Variants in ELF1 observed in about 807,000 individuals in gnomAD.
The protein encoded by ELF1 is ETS-related transcription factor Elf-1.
ELF1 carries 24 observed loss-of-function variants against 59.9 expected under a neutral mutation model. The observed-to-expected ratio is 0.40, with a 90% CI of 0.29 to 0.56. ELF1 has a LOEUF of 0.56. ELF1 is among the 20% of genes least tolerant of loss of function. The probability of loss-of-function intolerance (pLI) is 0.44; values close to 1 mark genes in which losing one functional copy is unlikely to be tolerated. For synonymous variants in ELF1, 248 were observed against 266.2 expected, an observed-to-expected ratio of 0.93 and a Z score of 0.67; for missense variants, 627 against 742.2, an observed-to-expected ratio of 0.84 and a Z score of 1.80.
At chr13:40,979,634 G>C (rs1248006791) in intron 2 of ELF1, among the ~76,000 whole-genome samples, 1 of 152,110 alleles carries the variant, frequency 6.6e-6, no homozygotes, top group African/African-American at 2.4e-5. Flanking sequence ...AAATGATGTA[G>C]AATCAACATA....
At chr13:41,026,567 G>C (rs1216454920) in intron 1 of ELF1, among the ~76,000 whole-genome samples, 2 of 152,156 alleles carry the variant, frequency 1.3e-5, no homozygotes, top group African/African-American at 4.8e-5. Context: ...CACAGCACAG[G>C]CCTGTAGGAT....
chr13:40,992,972 CTTT>C (rs1873943778), intron 1 of ELF1: 1 of 996,202 alleles, frequency 1.0e-6, no homozygotes, highest in African/African-American at 1.6e-5. Context: ...TCTGTTCTTT[CTTT>C]AAGTCTTCAC....
At chr13:40,968,307 T>C (rs986580664) in intron 2 of ELF1, among the ~76,000 whole-genome samples, 1 of 152,200 alleles carries the variant, frequency 6.6e-6, no homozygotes, top group Non-Finnish European at 1.5e-5. Context: ...TACATCTACA[T>C]GGATAAACAC....
intron 7 of ELF1, 63 bp downstream of exon 7, chr13:40,942,889 A>G: frequency 1.5e-6 from 2 of 1,378,850 alleles, no homozygotes; most frequent in Non-Finnish European, 9.6e-7. Flanking sequence ...TAAGCTTAGT[A>G]TTTTTTTTTA....
chr13:40,979,736 C>A (rs1343032715), intron 2 of ELF1, among the ~76,000 whole-genome samples: 2 of 152,126 alleles, frequency 1.3e-5, no homozygotes, highest in Admixed American at 6.5e-5. Flanking sequence ...CCTCTGTATG[C>A]AGTTTTGTAT....
chr13:41,021,162 A>C (rs1449684810), upstream of ELF1, among the ~76,000 whole-genome samples: 1 of 152,250 alleles, frequency 6.6e-6, no homozygotes, highest in African/African-American at 2.4e-5. Flanking sequence ...GAGATGTTTT[A>C]TGTAGAACAG....
rs1593388152 is a variant in ELF1 at position 41,000,576 on chromosome 13, G to A, written c.-228-18294C>T. 3.9e-5 allele frequency among the ~76,000 whole-genome samples: 6 copies of A among 152,038 alleles called. No individual in the cohort carries two copies. The South Asian group carries it at 1.2e-3, about 32-fold the overall frequency. ...GCTTTATCGCTTTGTTGTACTCTTG[G>A]AAAGTTCAAGAATTCAAAGTTGTCT... On this transcript the variant is annotated intron_variant, in intron 1 of 8. Transcript: ENST00000239882.
chr13:41,020,842 G>T (rs1875659162), upstream of ELF1, among the ~76,000 whole-genome samples: 1 of 152,024 alleles, frequency 6.6e-6, no homozygotes, highest in South Asian at 2.1e-4. Context: ...TAGATAACAT[G>T]AATGTAAACC....
At position 41,043,523 on chromosome 13, in the gene ELF1, T is replaced by G. The variant is rs572403691; in HGVS notation, c.-229+17315A>C. On this transcript the variant is annotated intron_variant, in intron 1 of 1. Transcript: ENST00000405737. The stretch of plus-strand genomic sequence containing the variant: ...ATCCAGTTTCAGCTTTCTACATATG[T>G]CTAGCCAGTTTTCCCAGCACCATTT... Among the ~76,000 whole-genome samples the G allele has an allele frequency of 1.1e-4, 17 of 152,266 alleles. No homozygotes were observed. The South Asian group carries it at 1.2e-3, about 11-fold the overall frequency.
At chr13:40,938,822 A>G (rs1869952397) in intron 8 of ELF1, among the ~76,000 whole-genome samples, 1 of 152,094 alleles carries the variant, frequency 6.6e-6, no homozygotes, top group African/African-American at 2.4e-5. Flanking sequence ...AAATCAAGAA[A>G]GATATAGTCA....
chr13:41,057,080 T>A (rs971559937), intron 1 of ELF1, among the ~76,000 whole-genome samples: 11 of 152,138 alleles, frequency 7.2e-5, no homozygotes, highest in African/African-American at 2.7e-4. Context: ...ATGCAGTAAT[T>A]GCTTTAAAAT....
intron 2 of ELF1, among the ~76,000 whole-genome samples, chr13:40,973,456 T>A (rs895615926): frequency 5.3e-5 from 8 of 152,170 alleles, no homozygotes; most frequent in Non-Finnish European, 8.8e-5. Flanking sequence ...CCCTCTTTTT[T>A]AAAAAAGGCC....
intron 1 of ELF1, among the ~76,000 whole-genome samples, chr13:40,999,143 G>A (rs1041351143): frequency 2.0e-5 from 3 of 152,140 alleles, no homozygotes; most frequent in East Asian, 3.8e-4. Flanking sequence ...TTTCCCTTAG[G>A]CTCAGCACTG....
chr13:40,993,825 G>C (rs1377966682), intron 1 of ELF1, among the ~76,000 whole-genome samples: 1 of 151,980 alleles, frequency 6.6e-6, no homozygotes, highest in Non-Finnish European at 1.5e-5. Context: ...AATTGAGGGG[G>C]AGTAAGCAGA....
rs9562250 is a variant in ELF1 at position 40,954,109 on chromosome 13, T to C, written c.254-2673A>G. On this transcript the variant is annotated intron_variant, in intron 3 of 8. Transcript: ENST00000239882. ...CACATACAGATCAGACAGCAATGAA[T>C]AGAAACTTCTAACCTGATTAGTCCA... Among the ~76,000 whole-genome samples, 26 of 152,316 alleles carry C rather than the reference T, an allele frequency of 1.7e-4. No individual in the cohort carries two copies. The East Asian group carries it at 4.4e-3, about 26-fold the overall frequency.
intron 1 of ELF1, among the ~76,000 whole-genome samples, chr13:41,028,360 A>G (rs572054009): frequency 1.3e-5 from 2 of 152,352 alleles, no homozygotes; most frequent in South Asian, 2.1e-4. Flanking sequence ...TGCCCTTTAA[A>G]TAAGTCAACG....
At chr13:40,986,934 G>C (rs1417340985) in intron 1 of ELF1, among the ~76,000 whole-genome samples, 2 of 11,596 alleles carry the variant, frequency 1.7e-4, no homozygotes, top group Non-Finnish European at 4.1e-4. Flanking sequence ...GAAAATCATT[G>C]CTCTTTTTTT....
intron 2 of ELF1, among the ~76,000 whole-genome samples, chr13:40,979,012 T>A (rs199573568): frequency 1.9e-5 from 2 of 103,534 alleles, no homozygotes; most frequent in Admixed American, 1.7e-4. Context: ...CAGCACCCAA[T>A]AGTTAGTTTT....
chr13:40,998,044 G>A (rs1874216031), intron 1 of ELF1, among the ~76,000 whole-genome samples: 1 of 152,164 alleles, frequency 6.6e-6, no homozygotes, highest in South Asian at 2.1e-4. Flanking sequence ...TTACCCGTGA[G>A]GTTGAGGCGG....
Sources: allele counts gnomAD v4.1 joint callset (sites outside exome capture counted in the v4.1 genomes callset), GRCh38; gene constraint gnomAD v4.1.1; transcripts MANE v1.5; gene names NCBI Gene and HGNC (gene_info 2026-07-23, HGNC 2026-07-21).